Variants in VPS4B observed in about 807,000 individuals in gnomAD.
The protein encoded by VPS4B is vacuolar protein sorting 4 homolog B.
VPS4B carries 23 observed loss-of-function variants against 56.1 expected under a neutral mutation model. The observed-to-expected ratio is 0.41, with a 90% CI of 0.30 to 0.58. The LOEUF (loss-of-function observed/expected upper bound fraction) is 0.58, where lower values mean the gene tolerates loss of function less well. Among genes scored for constraint, VPS4B ranks in the 20% least tolerant of loss-of-function variants. The pLI, the probability that VPS4B is intolerant of heterozygous loss-of-function variation, is 0.29. For synonymous variants in VPS4B, 177 were observed against 186.0 expected, an observed-to-expected ratio of 0.95 and a Z score of 0.39; for missense variants, 372 against 531.9, an observed-to-expected ratio of 0.70 and a Z score of 2.96.
At chr18:63,411,420 A>G in intron 2 of VPS4B, 47 bp downstream of exon 2, 1 of 1,354,204 alleles carries the variant, frequency 7.4e-7, no homozygotes. Context: ...AAACAGAATA[A>G]ATTTTCCTTT....
intron 10 of VPS4B, among the ~76,000 whole-genome samples, chr18:63,392,757 G>GT (rs57144224): frequency 0.52 from 70,943 of 135,316 alleles, 17,698 homozygotes; most frequent in East Asian, 0.87. Flanking sequence ...CCTATTTTTT[G>GT]TTTTTTTTTT....
At chr18:63,411,441 A>C (rs1379579107) in intron 2 of VPS4B, 26 bp downstream of exon 2, 1 of 1,449,626 alleles carries the variant, frequency 6.9e-7, no homozygotes, top group Non-Finnish European at 9.2e-7. Flanking sequence ...TCGTGTTTTT[A>C]AATAAAATAT....
chr18:63,411,343 A>ATTT, intron 2 of VPS4B, 124 bp downstream of exon 2: 1 of 545,580 alleles, frequency 1.8e-6, no homozygotes, highest in Non-Finnish European at 2.7e-6. Context: ...AAAGTGGAGT[A>ATTT]TTTTTTTTTT....
chr18:63,407,599 G>T, intron 3 of VPS4B, 100 bp from the exon 4 acceptor site: 2 of 882,338 alleles, frequency 2.3e-6, no homozygotes, highest in Non-Finnish European at 3.4e-6. Flanking sequence ...AATTTCAGTG[G>T]CAAAATCAGA....
chr18:63,407,566 A>C, intron 3 of VPS4B, 67 bp from the exon 4 acceptor site: 2 of 1,258,266 alleles, frequency 1.6e-6, no homozygotes, highest in Non-Finnish European at 1.1e-6. Flanking sequence ...AAAATGAAGG[A>C]AAAATTAACC....
intron 8 of VPS4B, among the ~76,000 whole-genome samples, chr18:63,398,174 TACACATATACATATATACACACACAC>T (rs1568084578): frequency 6.8e-6 from 1 of 146,628 alleles, no homozygotes; most frequent in Admixed American, 6.9e-5. Flanking sequence ...TATATACATA[TACACATATACATATATACACACACAC>T]ACACATATAT....
intron 7 of VPS4B, 58 bp downstream of exon 7, chr18:63,399,990 G>C (rs1166928323): frequency 1.3e-6 from 2 of 1,540,882 alleles, no homozygotes; most frequent in Admixed American, 4.1e-5. Flanking sequence ...CTGCACTCCA[G>C]CCTGGGCGAC....
intron 4 of VPS4B, among the ~76,000 whole-genome samples, chr18:63,406,765 TAG>T (rs1433778746): frequency 6.6e-6 from 1 of 152,224 alleles, no homozygotes; most frequent in Non-Finnish European, 1.5e-5. Flanking sequence ...ATTTCTATTT[TAG>T]AGATGGGGGA....
intron 8 of VPS4B, 135 bp downstream of exon 8, chr18:63,399,107 G>C (rs1234374660): frequency 4.5e-6 from 3 of 664,986 alleles, no homozygotes; most frequent in Non-Finnish European, 7.5e-6. Flanking sequence ...CTCAAGGCAG[G>C]GGAGCAACAG....
intron 2 of VPS4B, 31 bp from the exon 3 acceptor site, chr18:63,410,477 C>T (rs768191666): frequency 1.2e-6 from 2 of 1,603,230 alleles, no homozygotes; most frequent in Admixed American, 3.5e-5. Flanking sequence ...AGATTTTTTT[C>T]CATTAGTATT....
intron 10 of VPS4B, among the ~76,000 whole-genome samples, chr18:63,392,164 T>C (rs1359093026): frequency 6.6e-6 from 1 of 152,192 alleles, no homozygotes; most frequent in Non-Finnish European, 1.5e-5. Context: ...AACCTGCCAT[T>C]AAAGGTCTTT....
chr18:63,422,030 C>T (rs1479979371), intron 1 of VPS4B, among the ~76,000 whole-genome samples: 1 of 152,148 alleles, frequency 6.6e-6, no homozygotes, highest in Admixed American at 6.5e-5. Flanking sequence ...GCCAGTAGCT[C>T]GGGAGACCCC....
rs778360360 is a variant in VPS4B, at chr18:63,391,038, T to C, written c.1272A>G (p.Thr424=). Residue 424 remains threonine (T), a synonymous_variant, in exon 11 of 11, where the codon ACA becomes ACG. Transcript: ENST00000238497. ...MLRSLSNTKP[T]VNEHDLLKLK... ...ATTTCAACAAGTCATGTTCATTGAC[T>C]GTAGGTTTTGTGTTAGATAGTGACC... The C allele has an allele frequency of 2.5e-6, 4 of 1,613,790 alleles. No individual in the cohort carries two copies. The South Asian group carries it at 4.4e-5, about 18-fold the overall frequency.
chr18:63,421,587 C>A (rs1005372803), intron 1 of VPS4B, among the ~76,000 whole-genome samples: 2 of 152,164 alleles, frequency 1.3e-5, no homozygotes, highest in African/African-American at 4.8e-5. Context: ...AGAGGACTAA[C>A]GATTAAGCCT....
At chr18:63,401,971 T>G (rs1477137127) in intron 5 of VPS4B, among the ~76,000 whole-genome samples, 1 of 152,082 alleles carries the variant, frequency 6.6e-6, no homozygotes, top group East Asian at 1.9e-4. Context: ...CCAGCCTGGG[T>G]GACAAGAGTG....
At chr18:63,418,869 A>T (rs764525309) in intron 1 of VPS4B, among the ~76,000 whole-genome samples, 7 of 151,970 alleles carry the variant, frequency 4.6e-5, no homozygotes, top group Non-Finnish European at 1.0e-4. Context: ...ACGCTAATAA[A>T]TCCTTATTTC....
chr18:63,411,699 G>A, intron 1 of VPS4B, 121 bp from the exon 2 acceptor site: 28 of 562,570 alleles, frequency 5.0e-5, no homozygotes, highest in South Asian at 2.4e-4. Context: ...GGCTGTGAAA[G>A]AAAACAAAAA....
At chr18:63,402,473 T>C (rs752545343) in intron 5 of VPS4B, among the ~76,000 whole-genome samples, 4 of 152,198 alleles carry the variant, frequency 2.6e-5, no homozygotes, top group South Asian at 2.1e-4. Flanking sequence ...ATCTGGTTGA[T>C]GACACTGGCA....
chr18:63,411,378 G>T, intron 2 of VPS4B, 89 bp downstream of exon 2: 4 of 890,252 alleles, frequency 4.5e-6, no homozygotes, highest in Non-Finnish European at 6.1e-6. Flanking sequence ...GTTTAGAATT[G>T]TCTGGCATTA....
Sources: allele counts gnomAD v4.1 joint callset (sites outside exome capture counted in the v4.1 genomes callset), GRCh38; gene constraint gnomAD v4.1.1; transcripts MANE v1.5; gene names NCBI Gene and HGNC (gene_info 2026-07-23, HGNC 2026-07-21).